The following CNTN2 variants were observed in gnomAD, a reference collection of about 807,000 sequenced individuals.
The protein encoded by CNTN2 is contactin-2.
A neutral mutation model predicts 117.5 loss-of-function variants in CNTN2; 53 were observed. The ratio of observed to expected loss-of-function variants is 0.45; its 90% confidence interval spans 0.36 to 0.57. The LOEUF is 0.57. CNTN2 is among the 20% of genes least tolerant of loss of function. The pLI is 0.00. For synonymous variants in CNTN2, 530 were observed against 561.7 expected, an observed-to-expected ratio of 0.94 and a Z score of 0.80; for missense variants, 1,106 against 1,404.3, an observed-to-expected ratio of 0.79 and a Z score of 3.39.
At chr1:205,051,229 T>C (rs1002345598) in intron 1 of CNTN2, among the ~76,000 whole-genome samples, 1 of 152,220 alleles carries the variant, frequency 6.6e-6, no homozygotes, top group Admixed American at 6.5e-5. Flanking sequence ...ATCTCTCCCC[T>C]GGGCAGCTCA....
rs371269837 is a variant in CNTN2, at chr1:205,065,844, A to G, written c.1751A>G (p.Lys584Arg). ...ILNAQLRHGG[K>R]YTCMAQTVVD... The stretch of plus-strand genomic sequence containing the variant: ...AACGCCCAGCTGCGCCATGGGGGGA[A>G]GTACACGTGCATGGCCCAGACGGTG... The change falls in exon 14 of 23, where the codon AAG becomes AGG. Residue 584 changes from lysine (K) to arginine (R), a missense_variant. Coordinates refer to ENST00000331830, the MANE Select transcript of CNTN2 (RefSeq NM_005076.5). The surrounding 1 kb of genome is among the most constrained non-coding windows in gnomAD (Gnocchi z 4.1). 22 of 1,613,858 alleles carry G rather than the reference A, an allele frequency of 1.4e-5. No homozygotes were observed. The highest frequency in any genetic ancestry group is 4.0e-5 in the African/African-American group (3 of 74,908).
chr1:205,047,867 G>GT (rs893239645), intron 1 of CNTN2, among the ~76,000 whole-genome samples: 8 of 152,176 alleles, frequency 5.3e-5, no homozygotes, highest in Non-Finnish European at 1.2e-4. Flanking sequence ...CATGGGGCGG[G>GT]TCCTGCCCTT....
At chr1:205,070,103 A>G in intron 18 of CNTN2, 42 bp downstream of exon 18, 1 of 1,584,888 alleles carries the variant, frequency 6.3e-7, no homozygotes, top group Non-Finnish European at 8.6e-7. Flanking sequence ...TACCCCAGCC[A>G]CTTGTCCACA....
chr1:205,060,754 T>C (rs1354935999), intron 7 of CNTN2: 1 of 151,958 alleles, frequency 6.6e-6, no homozygotes, highest in African/African-American at 2.4e-5. Context: ...GAAAAGCATG[T>C]GGAAGGGGAA....
At chr1:205,051,947 T>A (rs2096453696) in intron 1 of CNTN2, among the ~76,000 whole-genome samples, 1 of 152,168 alleles carries the variant, frequency 6.6e-6, no homozygotes, top group African/African-American at 2.4e-5. Context: ...GGGGACAGCA[T>A]TCCCAAGCCC....
At position 205,069,815 on chromosome 1, in the gene CNTN2, C is replaced by T. The variant is rs1318490007; in HGVS notation, c.2197-12C>T. Reference sequence around the variant, plus strand: ...CGCGGACCCTCGCCCATGCCATGCTCTTGCCCCTCAGCCCATGTCACGGGA... The same window carrying T: ...CGCGGACCCTCGCCCATGCCATGCTTTTGCCCCTCAGCCCATGTCACGGGA... On this transcript the variant is annotated splice_polypyrimidine_tract_variant and intron_variant, in intron 17 of 22. Transcript: ENST00000331830. The T allele has an allele frequency of 6.2e-7, 1 of 1,610,800 alleles. No individual in the cohort carries two copies. The highest frequency in any genetic ancestry group is 1.1e-5 in the South Asian group (1 of 90,980).
chr1:205,077,199 C>T lies in CNTN2; in HGVS notation c.*3434C>T, dbSNP rs1574670318. On this transcript the variant is annotated 3_prime_UTR_variant, in exon 23 of 23. Transcript: ENST00000331830. ...CTGTGGCCCTGCACCTTATGGGAAG[C>T]CATTAAGGGGGCTCATCTAGGAATT... The T allele has an allele frequency of 3.3e-5, 5 of 152,406 alleles. 1 individual carries two copies. The highest frequency in any genetic ancestry group is 3.3e-4 in the Admixed American group (5 of 15,308). 9.4% of individuals were successfully genotyped at this position (152,406 alleles called of 1,614,324 possible).
rs2096445143 is a variant in CNTN2 at position 205,048,256 on chromosome 1, T to C, written c.-86-4844T>C. Among the ~76,000 whole-genome samples, 1 of 152,160 alleles carries C rather than the reference T, an allele frequency of 6.6e-6. No individual in the cohort carries two copies. Among genetic ancestry groups the C allele is most frequent in the African/African-American group, 2.4e-5 (1 of 41,438 alleles). ...AGCTGGGCATCCCAGTAGGGAGAACTCTGGGGTGGAGGGTGTACCTTTTAT... is the reference window on the plus strand; with the variant it reads ...AGCTGGGCATCCCAGTAGGGAGAACCCTGGGGTGGAGGGTGTACCTTTTAT... On this transcript the variant is annotated intron_variant, in intron 1 of 22. Transcript: ENST00000331830. The surrounding 1 kb of genome is among the most constrained non-coding windows in gnomAD (Gnocchi z 4.1).
chr1:205,070,581 G>A (rs745544258), intron 19 of CNTN2, 43 bp downstream of exon 19: 1 of 1,416,542 alleles, frequency 7.1e-7, no homozygotes, highest in Non-Finnish European at 9.9e-7. Flanking sequence ...GGGTGCTGGG[G>A]CTTCAAAGCC....
chr1:205,065,590 C>T lies in CNTN2; in HGVS notation c.1696-199C>T, dbSNP rs1654238774. Reference sequence around the variant, plus strand: ...GTCATTGACTGTCTCCTGAAACAAACTTTGCTGTTTAGTCCCCAGTGGTTC... The same window carrying T: ...GTCATTGACTGTCTCCTGAAACAAATTTTGCTGTTTAGTCCCCAGTGGTTC... On this transcript the variant is annotated intron_variant, in intron 13 of 22. Transcript: ENST00000331830. This position sits in a 1 kb window ranked among gnomAD's most constrained non-coding sequence, Gnocchi z 4.1. 6.6e-6 allele frequency among the ~76,000 whole-genome samples: 1 copy of T among 152,052 alleles called. No individual in the cohort carries two copies. Among genetic ancestry groups the T allele is most frequent in the African/African-American group, 2.4e-5 (1 of 41,410 alleles).
In CNTN2 at chr1:205,059,607, T is replaced by C. The variant is rs1223624329; in HGVS notation, c.722T>C (p.Ile241Thr). ...AEDTRLFAPS[I>T]KARFPAETYA... Reference sequence around the variant, plus strand: ...GATACCCGGCTCTTTGCACCCAGCATCAAGGCCCGGTTCCCAGCAGAGACC... The same window carrying C: ...GATACCCGGCTCTTTGCACCCAGCACCAAGGCCCGGTTCCCAGCAGAGACC... Residue 241 changes from isoleucine (I) to threonine (T), a missense_variant, in exon 7 of 23, where the codon ATC (isoleucine) becomes ACC (threonine). Ile to Thr is a moderately conservative substitution (Grantham distance 89). Transcript: ENST00000331830. The surrounding 1 kb of genome is among the most constrained non-coding windows in gnomAD (Gnocchi z 5.6). 1 of 1,613,996 alleles carries C rather than the reference T, an allele frequency of 6.2e-7. No homozygotes were observed. The highest frequency in any genetic ancestry group is 8.5e-7 in the Non-Finnish European group (1 of 1,180,028).
chr1:205,055,001 G>GTTGTTT (rs1228329413), intron 2 of CNTN2, among the ~76,000 whole-genome samples: 4 of 152,082 alleles, frequency 2.6e-5, no homozygotes, highest in South Asian at 4.2e-4. Flanking sequence ...TGTTGTTGTT[G>GTTGTTT]TTGTTGTTTG....
chr1:205,062,299 C>A (rs1306136185), intron 9 of CNTN2, 141 bp from the exon 10 acceptor site: 8 of 1,236,648 alleles, frequency 6.5e-6, no homozygotes, highest in Non-Finnish European at 8.9e-6. Context: ...TCCAGGCAGC[C>A]CTGAGGTAGG....
chr1:205,073,018 C>T lies in CNTN2; in HGVS notation c.2845-50C>T, dbSNP rs745722922. ...GTACCTAAAGCTGGGGATGACTCAA[C>T]GATCAGCCCTGGTGTCAGGAAACTC... On this transcript the variant is annotated intron_variant, in intron 21 of 22. Coordinates refer to ENST00000331830, the MANE Select transcript of CNTN2 (RefSeq NM_005076.5). This position sits in a 1 kb window ranked among gnomAD's most constrained non-coding sequence, Gnocchi z 6.3. The T allele has an allele frequency of 5.3e-5, 84 of 1,596,482 alleles. No individual in the cohort carries two copies. Among genetic ancestry groups the T allele is most frequent in the East Asian group, 6.7e-5 (3 of 44,670 alleles).
Position 205,074,684 on chromosome 1 carries a change from CCAGTGCTGCCTG to C in CNTN2, c.*924_*935del. 2.5e-6 allele frequency: 1 copy of C among 399,256 alleles called. No individual in the cohort carries two copies. Among genetic ancestry groups the C allele is most frequent in the Non-Finnish European group, 4.4e-6 (1 of 226,332 alleles). 24.7% of individuals were successfully genotyped at this position (399,256 alleles called of 1,614,324 possible). A position where few individuals can be genotyped will look rare whatever the true frequency, so the allele number is the denominator to read the frequency against. ...GATGGCCAATCATGCGCCCACCTCT[CCAGTGCTGCCTG>C]CAGTCAGCTCGGCCTCCCCGACCTG... is the stretch of plus-strand genomic sequence containing the variant. On this transcript the variant is annotated 3_prime_UTR_variant, in exon 23 of 23. Coordinates refer to ENST00000331830, the MANE Select transcript of CNTN2 (RefSeq NM_005076.5).
intron 17 of CNTN2, 65 bp downstream of exon 17, chr1:205,069,626 A>C (rs1558553128): frequency 6.4e-7 from 1 of 1,552,374 alleles, no homozygotes; most frequent in Non-Finnish European, 8.8e-7. Flanking sequence ...GAGCAGCTGC[A>C]GAAAGGACCA....
intron 1 of CNTN2, among the ~76,000 whole-genome samples, chr1:205,050,962 A>G (rs1269480555): frequency 6.6e-6 from 1 of 152,220 alleles, no homozygotes; most frequent in Non-Finnish European, 1.5e-5. Flanking sequence ...TATGATGTTC[A>G]GTAGAATAGG....
Position 205,069,519 on chromosome 1 carries a change from C to T in CNTN2, c.2154C>T (p.Ser718=), listed in dbSNP as rs1177695422. The T allele has an allele frequency of 1.4e-5, 23 of 1,613,900 alleles. No individual in the cohort carries two copies. The highest frequency in any genetic ancestry group is 1.7e-5 in the Non-Finnish European group (20 of 1,180,036). The change falls in exon 17 of 23, where the codon AGC becomes AGT. Residue 718 remains serine, a synonymous_variant. Coordinates refer to ENST00000331830, the MANE Select transcript of CNTN2 (RefSeq NM_005076.5). ...AAPSVAPSGL[S]GGGGAPGELI... is the part of the protein sequence containing the mutation. Reference sequence around the variant, plus strand: ...CCTCGGTGGCACCCTCAGGACTCAGCGGAGGAGGTGGAGCCCCCGGAGAGC... The same window carrying T: ...CCTCGGTGGCACCCTCAGGACTCAGTGGAGGAGGTGGAGCCCCCGGAGAGC...
At chr1:205,049,181 CAG>C (rs2096447626) in intron 1 of CNTN2, among the ~76,000 whole-genome samples, 1 of 151,500 alleles carries the variant, frequency 6.6e-6, no homozygotes, top group Admixed American at 6.6e-5. Context: ...ATAGAGATAA[CAG>C]ATAATTCTGA....
Sources: allele counts gnomAD v4.1 joint callset (sites outside exome capture counted in the v4.1 genomes callset), GRCh38; gene constraint gnomAD v4.1.1; non-coding constraint Gnocchi (gnomAD v3.1); transcripts MANE v1.5; gene names NCBI Gene and HGNC (gene_info 2026-07-23, HGNC 2026-07-21).